SAMHD1: variants seen among roughly 807,000 people sequenced by gnomAD.
SAMHD1 encodes the protein SAM and HD domain containing deoxynucleoside triphosphate triphosphohydrolase 1, also known as deoxynucleoside triphosphate triphosphohydrolase SAMHD1.
SAMHD1 carries 54 observed loss-of-function variants against 79.6 expected under a neutral mutation model. The ratio of observed to expected loss-of-function variants is 0.68; its 90% CI spans 0.55 to 0.85. The LOEUF is 0.85. SAMHD1 is among the 40% of genes least tolerant of loss of function. The probability of loss-of-function intolerance (pLI) is 0.00; values close to 1 mark genes in which losing one functional copy is unlikely to be tolerated. For missense variants in SAMHD1, 663 were observed against 782.7 expected (o/e 0.85, Z 1.82); for synonymous variants, 260 against 264.1 (o/e 0.98, Z 0.15).
At chr20:36,901,016 C>T (rs894371244) in intron 13 of SAMHD1, among the ~76,000 whole-genome samples, 1 of 151,956 alleles carries the variant, frequency 6.6e-6, no homozygotes, top group African/African-American at 2.4e-5. Context: ...AGACAGTTAT[C>T]ATTTATCAAT....
chr20:36,931,388 CA>C (rs2063567084), intron 4 of SAMHD1, among the ~76,000 whole-genome samples: 1 of 152,196 alleles, frequency 6.6e-6, no homozygotes, highest in Admixed American at 6.5e-5. Context: ...GTAATCCCAG[CA>C]CTTTGGGAGG....
chr20:36,928,828 G>A (rs1450539711), intron 5 of SAMHD1, among the ~76,000 whole-genome samples: 18 of 152,058 alleles, frequency 1.2e-4, no homozygotes, highest in Admixed American at 9.2e-4. Flanking sequence ...AGGCTGAGGC[G>A]GGTGGATCAC....
chr20:36,931,389 A>T (rs2063567065), intron 4 of SAMHD1, among the ~76,000 whole-genome samples: 1 of 152,224 alleles, frequency 6.6e-6, no homozygotes, highest in South Asian at 2.1e-4. Flanking sequence ...TAATCCCAGC[A>T]CTTTGGGAGG....
intron 15 of SAMHD1, 137 bp from the exon 16 acceptor site, chr20:36,893,203 T>A: frequency 5.7e-6 from 6 of 1,058,030 alleles, no homozygotes; most frequent in South Asian, 5.4e-5. Flanking sequence ...CCAGGGAAAC[T>A]CCAAATTACA....
chr20:36,912,234 C>T, intron 10 of SAMHD1: 1 of 520,558 alleles, frequency 1.9e-6, no homozygotes, highest in Non-Finnish European at 3.5e-6. Flanking sequence ...TTCCCTTCAT[C>T]TGCCCCTTTA....
chr20:36,914,411 C>T (rs538911216), intron 9 of SAMHD1, among the ~76,000 whole-genome samples: 1 of 151,784 alleles, frequency 6.6e-6, no homozygotes, highest in Non-Finnish European at 1.5e-5. Context: ...AGTGCAGTGG[C>T]GCAATCTCGG....
At chr20:36,931,806 GAAATAAAAAATAATTTAA>G (rs1282056969) in intron 4 of SAMHD1, among the ~76,000 whole-genome samples, 1 of 150,664 alleles carries the variant, frequency 6.6e-6, no homozygotes, top group Non-Finnish European at 1.5e-5. Context: ...CCTTAAAAAG[GAAATAAAAAATAATTTAA>G]AAATAAAAAA....
intron 3 of SAMHD1, 40 bp downstream of exon 3, chr20:36,940,999 C>A: frequency 6.9e-7 from 1 of 1,455,142 alleles, no homozygotes; most frequent in South Asian, 1.1e-5. Flanking sequence ...AGTTATATCA[C>A]TTTATATTCA....
chr20:36,912,889 GTTTTT>G (rs71186089), intron 9 of SAMHD1, among the ~76,000 whole-genome samples: 3 of 41,104 alleles, frequency 7.3e-5, no homozygotes, highest in African/African-American at 3.1e-4. Flanking sequence ...TTCATTCTTT[GTTTTT>G]TTTTTTTTTT....
rs1279434782 is a variant in SAMHD1, at chr20:36,911,365, T to G, written c.1155-32A>C. ...ATCATTTTGCAAAAATTTATGTTTA[T>G]GAGAAATTTTGAATATTTGCCTTAT... On this transcript the variant is annotated intron_variant, in intron 10 of 15. Transcript: ENST00000646673. 2.2e-6 allele frequency: 3 copies of G among 1,347,138 alleles called. No homozygotes were observed. The African/African-American group carries it at 4.3e-5, about 19-fold the overall frequency. 83.4% of individuals were successfully genotyped at this position (1,347,138 alleles called of 1,614,324 possible).
chr20:36,933,899 A>G (rs2063583412), intron 4 of SAMHD1, among the ~76,000 whole-genome samples: 1 of 151,904 alleles, frequency 6.6e-6, no homozygotes, highest in Admixed American at 6.6e-5. Flanking sequence ...TACAAAAATT[A>G]GCCAGGCGTG....
chr20:36,894,954 C>A (rs1454519887), intron 15 of SAMHD1, among the ~76,000 whole-genome samples: 1 of 151,818 alleles, frequency 6.6e-6, no homozygotes, highest in Non-Finnish European at 1.5e-5. Flanking sequence ...CTCATTGCAG[C>A]CTCAGACTCC....
In SAMHD1 at chr20:36,904,127, A is replaced by G. The variant is rs761959138; in HGVS notation, c.1503+30T>C. The G allele has an allele frequency of 7.9e-6, 11 of 1,392,102 alleles. 1 individual carries two copies. The highest frequency in any genetic ancestry group is 2.3e-5 in the East Asian group (1 of 43,894). 86.2% of individuals were successfully genotyped at this position (1,392,102 alleles called of 1,614,324 possible). On this transcript the variant is annotated intron_variant, in intron 13 of 15. Transcript: ENST00000646673. ...GGTGCTTTATCTTTAAAACGTATTC[A>G]CTCAGTTTATTACTGGGCTAATTAC...
chr20:36,916,388 T>C lies in SAMHD1; in HGVS notation c.1062+334A>G, dbSNP rs538734581. 9.8e-4 allele frequency: 316 copies of C among 323,548 alleles called. 1 individual carries two copies. Among genetic ancestry groups the C allele is most frequent in the African/African-American group, 6.3e-3 (288 of 45,690 alleles). 20.0% of individuals were successfully genotyped at this position (323,548 alleles called of 1,614,324 possible). A position where few individuals can be genotyped will look rare whatever the true frequency, so the allele number is the denominator to read the frequency against. The stretch of plus-strand genomic sequence containing the variant: ...AGTGTGCACCTGTAGTCCCAGCTAC[T>C]TGGGAGGCTGAGGAGGGAGGATCAC... On this transcript the variant is annotated intron_variant, in intron 9 of 15. Coordinates refer to ENST00000646673, the MANE Select transcript of SAMHD1 (RefSeq NM_015474.4).
chr20:36,922,638 CAAACTGT>C (rs1208159767), intron 6 of SAMHD1, among the ~76,000 whole-genome samples: 1 of 151,864 alleles, frequency 6.6e-6, no homozygotes, highest in Admixed American at 6.6e-5. Flanking sequence ...CTTAGCCTCC[CAAACTGT>C]TGGGATTACA....
intron 15 of SAMHD1, among the ~76,000 whole-genome samples, chr20:36,895,047 C>A (rs2148353852): frequency 6.6e-6 from 1 of 152,106 alleles, no homozygotes; most frequent in Middle Eastern, 3.4e-3. Context: ...ATATAGCCAA[C>A]TTTTTAATTT....
chr20:36,900,048 C>G (rs927303950), intron 13 of SAMHD1, among the ~76,000 whole-genome samples: 3 of 148,006 alleles, frequency 2.0e-5, no homozygotes, highest in Non-Finnish European at 4.5e-5. Flanking sequence ...GAGCCGAGAT[C>G]GTGCCACCGT....
At chr20:36,941,319 G>A (rs1376686512) in intron 2 of SAMHD1, among the ~76,000 whole-genome samples, 1 of 151,872 alleles carries the variant, frequency 6.6e-6, no homozygotes, top group Non-Finnish European at 1.5e-5. Flanking sequence ...ATCAATATAG[G>A]CCTCCCACAG....
intron 4 of SAMHD1, among the ~76,000 whole-genome samples, chr20:36,932,454 GTTTTTTTT>G (rs752535431): frequency 1.1e-5 from 1 of 93,288 alleles, no homozygotes; most frequent in Non-Finnish European, 1.9e-5. Context: ...ACAGTTTCGT[GTTTTTTTT>G]TTTTTTTTTT....
Sources: gnomAD v4.1 joint callset for allele counts (sites outside exome capture counted in the v4.1 genomes callset) on GRCh38, gnomAD v4.1.1 for gene constraint, MANE v1.5 for transcripts, NCBI Gene and HGNC (gene_info 2026-07-23, HGNC 2026-07-21) for gene names.